Variants in KRABD2 observed in about 807,000 individuals in gnomAD.
KRABD2 encodes KRAB domain-containing protein 2.
At chr17:8,371,593 G>A in the KRABD2 span, 1 of 1,517,382 alleles carries the variant, frequency 6.6e-7, no homozygotes, top group Non-Finnish European at 8.9e-7. Flanking sequence ...TAAGAAATAG[G>A]TCTCACATCT....
the KRABD2 span, among the ~76,000 whole-genome samples, chr17:8,366,042 C>T: frequency 4.6e-5 from 7 of 151,934 alleles, no homozygotes; most frequent in East Asian, 1.2e-3. Flanking sequence ...GCAGGAGAAT[C>T]GCTTTAACCT....
the KRABD2 span, among the ~76,000 whole-genome samples, chr17:8,374,252 A>G: frequency 7.2e-5 from 11 of 152,260 alleles, no homozygotes; most frequent in Non-Finnish European, 1.3e-4. Flanking sequence ...AGAAGTAGAC[A>G]TAGGAGACTC....
At chr17:8,367,834 G>A in the KRABD2 span, among the ~76,000 whole-genome samples, 9 of 149,778 alleles carry the variant, frequency 6.0e-5, no homozygotes, top group South Asian at 2.1e-4. Context: ...ATCTTGCACC[G>A]CCCTTAATCC....
At chr17:8,359,481 T>C in the KRABD2 span, 1 of 419,364 alleles carries the variant, frequency 2.4e-6, no homozygotes, top group Non-Finnish European at 4.8e-6. Context: ...TTTCTGCATT[T>C]AGCAGTCTCT....
chr17:8,370,087 C>A, the KRABD2 span: 2 of 1,614,026 alleles, frequency 1.2e-6, no homozygotes, highest in Non-Finnish European at 1.7e-6. Flanking sequence ...CCATGAGTAG[C>A]CTCTATCAGT....
the KRABD2 span, chr17:8,369,299 C>CT: frequency 6.2e-7 from 1 of 1,614,264 alleles, no homozygotes; most frequent in South Asian, 1.1e-5. Context: ...CAATTTCTAG[C>CT]TCTTCTTCCG....
the KRABD2 span, chr17:8,369,187 CAG>C: frequency 1.2e-6 from 2 of 1,614,152 alleles, no homozygotes; most frequent in African/African-American, 2.7e-5. Flanking sequence ...TCTGAAGCTT[CAG>C]GAGTGGGATC....
At chr17:8,376,656 C>T in the KRABD2 span, 3 of 985,270 alleles carry the variant, frequency 3.0e-6, no homozygotes, top group African/African-American at 1.7e-5. Flanking sequence ...ACACACCAGA[C>T]GCGGCGTCTG....
the KRABD2 span, chr17:8,373,590 T>C: frequency 2.1e-3 from 367 of 177,710 alleles, 2 homozygotes; most frequent in African/African-American, 8.2e-3. Flanking sequence ...TCTGCCCGGC[T>C]GCCACCCCGT....
the KRABD2 span, chr17:8,368,569 T>G: frequency 2.6e-5 from 4 of 152,214 alleles, no homozygotes; most frequent in Admixed American, 6.6e-5. Context: ...ACTAACACTT[T>G]AATTTCAGAC....
the KRABD2 span, among the ~76,000 whole-genome samples, chr17:8,361,040 A>G: frequency 2.0e-5 from 3 of 152,198 alleles, no homozygotes; most frequent in Non-Finnish European, 2.9e-5. Context: ...ACCACTGGTA[A>G]TAGGGATCTC....
chr17:8,368,222 A>G, the KRABD2 span, among the ~76,000 whole-genome samples: 1 of 152,216 alleles, frequency 6.6e-6, no homozygotes, highest in African/African-American at 2.4e-5. Context: ...TCCTCATTAG[A>G]GTGGGCCCTA....
At chr17:8,363,386 C>T in the KRABD2 span, among the ~76,000 whole-genome samples, 2 of 152,172 alleles carry the variant, frequency 1.3e-5, no homozygotes, top group African/African-American at 4.8e-5. Flanking sequence ...GAGTCTCACT[C>T]TGTTACCGAG....
the KRABD2 span, chr17:8,369,424 G>A: frequency 6.2e-7 from 1 of 1,614,222 alleles, no homozygotes; most frequent in Non-Finnish European, 8.5e-7. Flanking sequence ...TCGAAAGCCT[G>A]ATTCCTCACC....
At chr17:8,368,918 T>C in the KRABD2 span, 10 of 742,982 alleles carry the variant, frequency 1.3e-5, no homozygotes, top group South Asian at 2.3e-4. Context: ...ATTACGGGCA[T>C]GAGCGCTGCG....
At chr17:8,371,529 A>G in the KRABD2 span, 1 of 1,601,872 alleles carries the variant, frequency 6.2e-7, no homozygotes, top group Non-Finnish European at 8.5e-7. Context: ...CCAGGAATGA[A>G]GGCATGCAGC....
chr17:8,375,811 G>T, the KRABD2 span: 1 of 914,480 alleles, frequency 1.1e-6, no homozygotes, highest in Non-Finnish European at 1.4e-6. Context: ...CAGCTTCTTG[G>T]TGTGATCTAT....
the KRABD2 span, among the ~76,000 whole-genome samples, chr17:8,374,628 T>TA: frequency 0.067 from 4,774 of 71,382 alleles, 172 homozygotes; most frequent in Non-Finnish European, 0.093. Flanking sequence ...CAATAAATAC[T>TA]AAAAAAAAAA....
chr17:8,370,066 G>A, the KRABD2 span: 228 of 1,613,952 alleles, frequency 1.4e-4, 1 homozygote, highest in East Asian at 3.1e-3. Context: ...TACCGTATTC[G>A]ATCACGTTCT....
Sources: allele counts gnomAD v4.1 joint callset (sites outside exome capture counted in the v4.1 genomes callset), GRCh38; gene constraint gnomAD v4.1.1; transcripts MANE v1.5; gene names NCBI Gene and HGNC (gene_info 2026-07-23, HGNC 2026-07-21).